SENP8: variants seen among roughly 807,000 people sequenced by gnomAD.
SENP8 encodes the protein SUMO peptidase family member, NEDD8 specific, also known as sentrin-specific protease 8.
SENP8 carries 10 observed loss-of-function variants against 14.4 expected under a neutral mutation model. That is an observed-to-expected ratio of 0.69 (90% CI 0.43 to 1.18). The LOEUF (loss-of-function observed/expected upper bound fraction) is 1.18. SENP8 is among the 50% of genes most tolerant of loss of function. The pLI is 0.00. For missense variants in SENP8, 202 were observed against 249.4 expected (o/e 0.81, Z 1.28); for synonymous variants, 94 against 95.5 (o/e 0.98, Z 0.09).
At position 72,139,964 on chromosome 15, in the gene SENP8, G is replaced by A. The variant is rs148160315; in HGVS notation, c.341G>A (p.Ser114Asn). The A allele has an allele frequency of 5.2e-5, 84 of 1,614,104 alleles. No individual in the cohort carries two copies. In the African/African-American group the frequency reaches 1.1e-3, roughly 21 times the overall value. The change falls in exon 2 of 2, where the codon AGC (serine) becomes AAC (asparagine). Residue 114 changes from serine to asparagine, a missense_variant. Coordinates refer to ENST00000340912, the MANE Select transcript of SENP8 (RefSeq NM_145204.4). ...SLLVYLQDKN[S>N]FFHYDSHSRS... Reference sequence around the variant, plus strand: ...TTGGTCTACCTCCAAGATAAAAATAGCTTTTTTCATTATGATTCCCATAGC... The same window carrying A: ...TTGGTCTACCTCCAAGATAAAAATAACTTTTTTCATTATGATTCCCATAGC...
At position 72,140,927 on chromosome 15, in the gene SENP8, A is replaced by C. The variant is rs1457789928; in HGVS notation, c.*665A>C. ...CCTGGAATGCTTGAAGAAAGGGGAA[A>C]TCTTGAGTAACCTCATTAAAATTAA... On this transcript the variant is annotated 3_prime_UTR_variant, in exon 2 of 2. Coordinates refer to ENST00000340912, the MANE Select transcript of SENP8 (RefSeq NM_145204.4). 1 of 167,152 alleles carries C rather than the reference A, an allele frequency of 6.0e-6. No individual in the cohort carries two copies. Among genetic ancestry groups the C allele is most frequent in the Non-Finnish European group, 1.5e-5 (1 of 68,150 alleles). The allele number at this position is 167,152 out of a possible 1,614,324, so 10.4% of individuals were successfully genotyped here. A position where few individuals can be genotyped will look rare whatever the true frequency, so the allele number is the denominator to read the frequency against.
chr15:72,116,927 C>T (rs2081002788), upstream of SENP8: 1 of 152,252 alleles, frequency 6.6e-6, no homozygotes, highest in South Asian at 2.1e-4. Context: ...CCAACCCCTC[C>T]AAACATGGGT....
intron 1 of SENP8, among the ~76,000 whole-genome samples, chr15:72,130,651 C>T (rs563277211): frequency 1.7e-4 from 26 of 151,038 alleles, no homozygotes; most frequent in African/African-American, 5.1e-4. Flanking sequence ...GCAACCTCCA[C>T]CTCCCAGGTT....
At chr15:72,128,051 C>T (rs1468371799) in intron 1 of SENP8, among the ~76,000 whole-genome samples, 4 of 151,662 alleles carry the variant, frequency 2.6e-5, no homozygotes, top group East Asian at 1.9e-4. Context: ...TATGATTGCA[C>T]CACTGCACTC....
Position 72,140,018 on chromosome 15 carries a change from T to C in SENP8, c.395T>C (p.Val132Ala). The change falls in exon 2 of 2, where the codon GTA (valine) becomes GCA (alanine). Residue 132 changes from valine (V) to alanine (A), a missense_variant. By Grantham distance (64) the Val-to-Ala change is moderately conservative. Transcript: ENST00000340912. ...AGCAACTCAGTTCACGCAAAGCAGGTAGCAGAGAAACTGGAGGCTTTCTTA... is the reference window on the plus strand; with the variant it reads ...AGCAACTCAGTTCACGCAAAGCAGGCAGCAGAGAAACTGGAGGCTTTCTTA... ...SRSNSVHAKQ[V>A]AEKLEAFLGR... 6.2e-7 allele frequency: 1 copy of C among 1,614,206 alleles called. No individual in the cohort carries two copies. The highest frequency in any genetic ancestry group is 2.2e-5 in the East Asian group (1 of 44,890).
At chr15:72,132,807 T>G (rs887081625) in intron 1 of SENP8, among the ~76,000 whole-genome samples, 1 of 152,030 alleles carries the variant, frequency 6.6e-6, no homozygotes, top group African/African-American at 2.4e-5. Flanking sequence ...GTCTACAATA[T>G]CTATTCCTCC....
chr15:72,138,981 A>G (rs917385352), intron 1 of SENP8, among the ~76,000 whole-genome samples: 1 of 151,720 alleles, frequency 6.6e-6, no homozygotes, highest in Non-Finnish European at 1.5e-5. Flanking sequence ...AAAAAAAAAA[A>G]AAAACTTTAC....
rs1187648354 is a variant in SENP8, at chr15:72,140,095, C to G, written c.472C>G (p.Gln158Glu). ...TGTGGAAGAGAAAGCCCCTGCCCAA[C>G]AAAACAGCTATGACTGTGGGATGTA... ...AFVEEKAPAQ[Q>E]NSYDCGMYVI... The change falls in exon 2 of 2, where the codon CAA (glutamine) becomes GAA (glutamate). Residue 158 changes from glutamine (Q) to glutamate (E), a missense_variant. Transcript: ENST00000340912. 1 of 1,614,140 alleles carries G rather than the reference C, an allele frequency of 6.2e-7. No individual in the cohort carries two copies. The highest frequency in any genetic ancestry group is 8.5e-7 in the Non-Finnish European group (1 of 1,180,034).
intron 1 of SENP8, among the ~76,000 whole-genome samples, chr15:72,126,277 C>G (rs1000892991): frequency 6.6e-6 from 1 of 152,088 alleles, no homozygotes; most frequent in Admixed American, 6.5e-5. Context: ...ATTTCAAGAA[C>G]TCAATAGCCA....
intron 1 of SENP8, among the ~76,000 whole-genome samples, chr15:72,135,881 G>A (rs2081323431): frequency 6.6e-6 from 1 of 152,192 alleles, no homozygotes; most frequent in Non-Finnish European, 1.5e-5. Context: ...AAGACTGGGT[G>A]TGATTTCAGC....
In SENP8 at chr15:72,139,757, A is replaced by G; in HGVS notation, c.134A>G (p.His45Arg). 6.2e-7 allele frequency: 1 copy of G among 1,614,178 alleles called. No individual in the cohort carries two copies. Among genetic ancestry groups the G allele is most frequent in the Non-Finnish European group, 8.5e-7 (1 of 1,180,034 alleles). ...AFEYFANSQF[H>R]DCSDHVSFIS... Reference sequence around the variant, plus strand: ...GAGTACTTTGCCAACAGTCAGTTTCATGACTGCTCTGATCACGTCAGTTTC... The same window carrying G: ...GAGTACTTTGCCAACAGTCAGTTTCGTGACTGCTCTGATCACGTCAGTTTC... The change falls in exon 2 of 2, where the codon CAT (histidine) becomes CGT (arginine). Residue 45 changes from histidine to arginine, a missense_variant. Coordinates refer to ENST00000340912, the MANE Select transcript of SENP8 (RefSeq NM_145204.4).
chr15:72,130,283 T>C (rs2081260597), intron 1 of SENP8, among the ~76,000 whole-genome samples: 1 of 152,202 alleles, frequency 6.6e-6, no homozygotes, highest in African/African-American at 2.4e-5. Flanking sequence ...TAAAAGTTCT[T>C]AAAATTAATT....
intron 1 of SENP8, chr15:72,134,888 C>A: frequency 3.5e-6 from 1 of 281,870 alleles, no homozygotes; most frequent in South Asian, 4.0e-5. Flanking sequence ...GGGCCAGATT[C>A]TTGCCAAGAG....
At chr15:72,126,989 A>G (rs2081226994) in intron 1 of SENP8, among the ~76,000 whole-genome samples, 1 of 152,220 alleles carries the variant, frequency 6.6e-6, no homozygotes, top group Non-Finnish European at 1.5e-5. Flanking sequence ...GTGATAGTAA[A>G]GGCGCTTTCA....
chr15:72,120,725 G>T (rs987591536), intron 1 of SENP8, among the ~76,000 whole-genome samples: 1 of 152,048 alleles, frequency 6.6e-6, no homozygotes, highest in Non-Finnish European at 1.5e-5. Context: ...ATAAAATCTG[G>T]CAGCAGGTCT....
chr15:72,124,005 C>A (rs952786197), intron 1 of SENP8, among the ~76,000 whole-genome samples: 1 of 152,148 alleles, frequency 6.6e-6, no homozygotes, highest in African/African-American at 2.4e-5. Context: ...CTCCTTGGCC[C>A]CAGACAGAAT....
At chr15:72,125,834 A>T (rs559884193) in intron 1 of SENP8, among the ~76,000 whole-genome samples, 14 of 151,228 alleles carry the variant, frequency 9.3e-5, no homozygotes, top group African/African-American at 3.2e-4. Context: ...TTATTTATTT[A>T]TTTTTTTGAG....
intron 1 of SENP8, among the ~76,000 whole-genome samples, chr15:72,133,644 A>G (rs2081297434): frequency 6.6e-6 from 1 of 152,200 alleles, no homozygotes; most frequent in South Asian, 2.1e-4. Context: ...TATCTCATTG[A>G]CTAGAAGCCA....
At chr15:72,118,176 C>T (rs1358065622), upstream of SENP8, 6 of 365,620 alleles carry the variant, frequency 1.6e-5, no homozygotes, top group Non-Finnish European at 2.9e-5. Flanking sequence ...CCCCTACTGC[C>T]AGCACGGGTC....
Sources: gnomAD v4.1 joint callset for allele counts (sites outside exome capture counted in the v4.1 genomes callset) on GRCh38, gnomAD v4.1.1 for gene constraint, MANE v1.5 for transcripts, NCBI Gene and HGNC (gene_info 2026-07-23, HGNC 2026-07-21) for gene names.